Variants in BTBD9 observed in about 807,000 individuals in gnomAD.
The protein encoded by BTBD9 is BTB domain containing 9.
A neutral mutation model predicts 64.3 loss-of-function variants in BTBD9; 49 were observed. The observed-to-expected ratio is 0.76, with a 90% CI of 0.61 to 0.97. The LOEUF (loss-of-function observed/expected upper bound fraction) is 0.97. Among genes scored for constraint, BTBD9 ranks in the 50% least tolerant of loss-of-function variants. BTBD9 has a pLI of 0.00. For missense variants in BTBD9, 598 were observed against 762.1 expected, an observed-to-expected ratio of 0.78 and a Z score of 2.53; for synonymous variants, 260 against 274.7, an observed-to-expected ratio of 0.95 and a Z score of 0.53.
intron 6 of BTBD9, among the ~76,000 whole-genome samples, chr6:38,475,353 T>C (rs1447093796): frequency 1.3e-5 from 2 of 151,868 alleles, no homozygotes; most frequent in Non-Finnish European, 2.9e-5. Flanking sequence ...CATCTTCAGC[T>C]GGATCCACAT....
chr6:38,512,427 T>C (rs1487582130), intron 6 of BTBD9, among the ~76,000 whole-genome samples: 1 of 152,228 alleles, frequency 6.6e-6, no homozygotes, highest in Non-Finnish European at 1.5e-5. Flanking sequence ...ACTCTTCCAG[T>C]AAACTGTGAG....
At chr6:38,445,632 AT>A (rs1408974956) in intron 6 of BTBD9, among the ~76,000 whole-genome samples, 1 of 152,246 alleles carries the variant, frequency 6.6e-6, no homozygotes, top group African/African-American at 2.4e-5. Flanking sequence ...TGTTAAAAAA[AT>A]ATTCTTTTTG....
chr6:38,250,977 G>A (rs1221409668), intron 9 of BTBD9, among the ~76,000 whole-genome samples: 3 of 151,820 alleles, frequency 2.0e-5, no homozygotes, highest in Admixed American at 6.6e-5. Flanking sequence ...AGCTACTCAG[G>A]AGGCTGAGGC....
intron 7 of BTBD9, among the ~76,000 whole-genome samples, chr6:38,302,888 T>C (rs1762467858): frequency 6.6e-6 from 1 of 152,176 alleles, no homozygotes; most frequent in Non-Finnish European, 1.5e-5. Context: ...TGCATTTCCC[T>C]GATTAGTGAT....
chr6:38,219,301 ATT>A (rs11389502), intron 9 of BTBD9, among the ~76,000 whole-genome samples: 6 of 136,772 alleles, frequency 4.4e-5, no homozygotes, highest in Admixed American at 7.4e-5. Flanking sequence ...CACCCAGCTA[ATT>A]TTTTTTTTTT....
At chr6:38,219,958 T>C (rs982677751) in intron 9 of BTBD9, among the ~76,000 whole-genome samples, 2 of 152,238 alleles carry the variant, frequency 1.3e-5, no homozygotes, top group African/African-American at 4.8e-5. Context: ...TATGGTAATA[T>C]GGTATATCAG....
intron 8 of BTBD9, among the ~76,000 whole-genome samples, chr6:38,259,871 A>T (rs892040911): frequency 2.0e-5 from 3 of 152,182 alleles, no homozygotes; most frequent in African/African-American, 7.2e-5. Context: ...CTCTCCAAGT[A>T]CCCTGAATGA....
chr6:38,387,348 C>T (rs762492651), intron 6 of BTBD9, among the ~76,000 whole-genome samples: 14 of 152,128 alleles, frequency 9.2e-5, no homozygotes, highest in Non-Finnish European at 2.1e-4. Flanking sequence ...ACCAGCCTGG[C>T]CAACATGGTG....
rs534579152 is a variant in BTBD9, at chr6:38,421,291, G to C, written c.1155-76198C>G. Among the ~76,000 whole-genome samples the C allele has an allele frequency of 6.2e-4, 95 of 152,288 alleles. 1 individual carries two copies. The South Asian group carries it at 8.7e-3, about 14-fold the overall frequency. ...GAATCACTTCAACCCAGGAAGCAGA[G>C]GTTACAGTGAGCTAATATCGCACCA... is the stretch of plus-strand genomic sequence containing the variant. On this transcript the variant is annotated intron_variant, in intron 6 of 10. Transcript: ENST00000481247.
chr6:38,182,746 A>G (rs1379149112), intron 10 of BTBD9, among the ~76,000 whole-genome samples: 1 of 152,160 alleles, frequency 6.6e-6, no homozygotes, highest in East Asian at 1.9e-4. Context: ...TGCTGTCTCC[A>G]TGCGTCTCAC....
At chr6:38,288,782 C>T (rs1761847591) in intron 7 of BTBD9, among the ~76,000 whole-genome samples, 1 of 151,848 alleles carries the variant, frequency 6.6e-6, no homozygotes, top group Admixed American at 6.6e-5. Flanking sequence ...AAAAAATCAG[C>T]CAGGCGTGGT....
chr6:38,543,206 C>T (rs149471823), intron 6 of BTBD9, among the ~76,000 whole-genome samples: 1 of 151,302 alleles, frequency 6.6e-6, no homozygotes, highest in Non-Finnish European at 1.5e-5. Flanking sequence ...TCAAATATGA[C>T]CTTCTAAAAA....
Position 38,174,927 on chromosome 6 carries a change from G to A in BTBD9, c.*58C>T. 1 of 1,590,824 alleles carries A rather than the reference G, an allele frequency of 6.3e-7. No homozygotes were observed. The highest frequency in any genetic ancestry group is 2.0e-4 in the Middle Eastern group (1 of 4,920). ...TCAACAGAGACCCCTGCTCAGGGAG[G>A]AGACCGTTTCCTGCCGTTGCCCGAG... On this transcript the variant is annotated 3_prime_UTR_variant, in exon 11 of 11. Transcript: ENST00000481247.
intron 6 of BTBD9, among the ~76,000 whole-genome samples, chr6:38,513,795 G>A (rs1162010960): frequency 6.6e-6 from 1 of 152,124 alleles, no homozygotes; most frequent in African/African-American, 2.4e-5. Flanking sequence ...TGAGAGGAAG[G>A]CTGTCTGTGC....
Position 38,344,516 on chromosome 6 carries a change from C to T in BTBD9, c.1264+468G>A, listed in dbSNP as rs573127104. Reference sequence around the variant, plus strand: ...GAGTTGAACTTTCTTGAGGCTACTTCGGGCAAACATGAATTCATATATCCA... The same window carrying T: ...GAGTTGAACTTTCTTGAGGCTACTTTGGGCAAACATGAATTCATATATCCA... On this transcript the variant is annotated intron_variant, in intron 7 of 10. Transcript: ENST00000481247. Among the ~76,000 whole-genome samples the T allele has an allele frequency of 4.6e-5, 7 of 152,238 alleles. 1 individual carries two copies. In the South Asian group the frequency reaches 1.5e-3, roughly 32 times the overall value.
chr6:38,381,277 A>G (rs1765922567), intron 6 of BTBD9, among the ~76,000 whole-genome samples: 1 of 152,186 alleles, frequency 6.6e-6, no homozygotes, highest in African/African-American at 2.4e-5. Flanking sequence ...AACTAAAGGT[A>G]TGGAAAAAGA....
intron 7 of BTBD9, among the ~76,000 whole-genome samples, chr6:38,322,423 C>A (rs1403039157): frequency 6.6e-6 from 1 of 152,146 alleles, no homozygotes; most frequent in Non-Finnish European, 1.5e-5. Flanking sequence ...GATTAACTAA[C>A]CTATCCCTTT....
At chr6:38,208,430 T>C (rs1582052471) in intron 9 of BTBD9, among the ~76,000 whole-genome samples, 1 of 152,184 alleles carries the variant, frequency 6.6e-6, no homozygotes, top group East Asian at 1.9e-4. Context: ...ATCTATGGAC[T>C]GGGGATATGA....
intron 6 of BTBD9, among the ~76,000 whole-genome samples, chr6:38,561,918 G>GA (rs1307821765): frequency 1.3e-5 from 2 of 152,024 alleles, no homozygotes; most frequent in Non-Finnish European, 2.9e-5. Flanking sequence ...TGTGCCCCCC[G>GA]AATGTAAAAT....
Sources: allele counts gnomAD v4.1 joint callset (sites outside exome capture counted in the v4.1 genomes callset), GRCh38; gene constraint gnomAD v4.1.1; transcripts MANE v1.5; gene names NCBI Gene and HGNC (gene_info 2026-07-23, HGNC 2026-07-21).